The following CSNK1G2 variants were observed in gnomAD, a reference collection of about 807,000 sequenced individuals.
CSNK1G2 encodes casein kinase 1 gamma 2.
CSNK1G2 carries 11 observed loss-of-function variants against 48.0 expected under a neutral mutation model. The ratio of observed to expected loss-of-function variants is 0.23; its 90% CI spans 0.14 to 0.38. The LOEUF (loss-of-function observed/expected upper bound fraction) is 0.38. Ranked by LOEUF, CSNK1G2 falls within the 10% of genes least tolerant of loss-of-function variation. The probability of loss-of-function intolerance (pLI) is 1.00; values close to 1 mark genes in which losing one functional copy is unlikely to be tolerated. For synonymous variants in CSNK1G2, 337 were observed against 254.1 expected (o/e 1.33, Z -3.10); for missense variants, 446 against 595.5 (o/e 0.75, Z 2.61).
At chr19:1,948,699 A>G (rs902559150) in intron 1 of CSNK1G2, among the ~76,000 whole-genome samples, 6 of 152,124 alleles carry the variant, frequency 3.9e-5, no homozygotes, top group Non-Finnish European at 7.4e-5. Context: ...TGGTTTTTGT[A>G]CAGCTGACCC....
At position 1,979,030 on chromosome 19, in the gene CSNK1G2, C is replaced by T; in HGVS notation, c.619C>T (p.Arg207Cys). 5 of 1,598,184 alleles carry T rather than the reference C, an allele frequency of 3.1e-6. No homozygotes were observed. Among genetic ancestry groups the T allele is most frequent in the Non-Finnish European group, 4.2e-6 (5 of 1,179,406 alleles). ...CGAGACCAAGAAGCACATCCCGTAC[C>T]GCGAGCACAAGAGCCTGACGGGCAC... is the stretch of plus-strand genomic sequence containing the variant. ...DPETKKHIPYREHKSLTGTAR... is the reference protein window; with the variant it reads ...DPETKKHIPYCEHKSLTGTAR... The change falls in exon 6 of 12, where the codon CGC becomes TGC. Residue 207 changes from arginine to cysteine, a missense_variant. Transcript: ENST00000255641.
At chr19:1,966,255 T>C (rs1285062077) in intron 1 of CSNK1G2, among the ~76,000 whole-genome samples, 2 of 152,084 alleles carry the variant, frequency 1.3e-5, no homozygotes, top group Non-Finnish European at 2.9e-5. Context: ...GCGTGATCCA[T>C]GGGAGGAGGT....
At chr19:1,968,326 C>T (rs1426941158) in intron 1 of CSNK1G2, among the ~76,000 whole-genome samples, 5 of 150,340 alleles carry the variant, frequency 3.3e-5, no homozygotes, top group Non-Finnish European at 7.4e-5. Context: ...CCAGGCTGCC[C>T]CTGACCACCC....
At chr19:1,951,413 T>TA (rs374265531) in intron 1 of CSNK1G2, among the ~76,000 whole-genome samples, 2,928 of 142,226 alleles carry the variant, frequency 0.021, 471 homozygotes, top group African/African-American at 0.077. Context: ...AAAAAAAAAA[T>TA]AAAAAAAATC....
intron 2 of CSNK1G2, among the ~76,000 whole-genome samples, chr19:1,976,513 T>C (rs1275200150): frequency 6.6e-6 from 1 of 152,224 alleles, no homozygotes; most frequent in Non-Finnish European, 1.5e-5. Flanking sequence ...GCGATTCCTG[T>C]GCTGCAAGGC....
intron 1 of CSNK1G2, among the ~76,000 whole-genome samples, chr19:1,966,979 TC>T (rs1293783642): frequency 6.6e-6 from 1 of 152,062 alleles, no homozygotes; most frequent in Non-Finnish European, 1.5e-5. Flanking sequence ...CAAACGATCC[TC>T]CCGCCTCAGT....
At chr19:1,962,987 C>G (rs1482485796) in intron 1 of CSNK1G2, among the ~76,000 whole-genome samples, 28 of 152,102 alleles carry the variant, frequency 1.8e-4, no homozygotes, top group Admixed American at 1.5e-3. Flanking sequence ...CACAACCCAG[C>G]CATGAAAAGG....
rs137921162 is a variant in CSNK1G2 at position 1,979,396 on chromosome 19, C to T, written c.846C>T (p.Asn282=). The T allele has an allele frequency of 2.2e-4, 355 of 1,586,700 alleles. 4 individuals are homozygous for T. In the African/African-American group the frequency reaches 2.6e-3, roughly 12 times the overall value. The part of the protein sequence containing the change: ...RATPIEVLCE[N]FPEEMATYLR... ...CGCCCATCGAGGTGCTCTGCGAGAA[C>T]TTCCCAGGTAAGGGGTCCCTGCGCC... The change falls in exon 8 of 12, where the codon AAC becomes AAT. Residue 282 remains asparagine (N), a synonymous_variant. Coordinates refer to ENST00000255641, the MANE Select transcript of CSNK1G2 (RefSeq NM_001319.7).
intron 1 of CSNK1G2, among the ~76,000 whole-genome samples, chr19:1,967,464 C>G (rs1194479349): frequency 6.6e-6 from 1 of 152,126 alleles, no homozygotes; most frequent in African/African-American, 2.4e-5. Context: ...AGAATGGGGC[C>G]AGGGGTGGCT....
At position 1,978,234 on chromosome 19, in the gene CSNK1G2, G is replaced by C. The variant is rs1013489778; in HGVS notation, c.188-71G>C. On this transcript the variant is annotated intron_variant, in intron 2 of 11. Transcript: ENST00000255641. The surrounding 1 kb of genome is among the most constrained non-coding windows in gnomAD (Gnocchi z 7.3). Reference sequence around the variant, plus strand: ...GGGACCCCCTCCTGCCTCCTGCCTCGGGGGTGGGCTGGGGAGGTCGGGGCT... The same window carrying C: ...GGGACCCCCTCCTGCCTCCTGCCTCCGGGGTGGGCTGGGGAGGTCGGGGCT... 1.3e-6 allele frequency: 2 copies of C among 1,540,488 alleles called. No individual in the cohort carries two copies. The highest frequency in any genetic ancestry group is 3.3e-5 in the Admixed American group (2 of 59,798).
At chr19:1,964,732 T>TG (rs374324352) in intron 1 of CSNK1G2, among the ~76,000 whole-genome samples, 15 of 116,788 alleles carry the variant, frequency 1.3e-4, no homozygotes, top group African/African-American at 3.9e-4. Context: ...TTTGTTTTTT[T>TG]GTTTTTTTTT....
chr19:1,953,363 G>C (rs551725603), intron 1 of CSNK1G2: 1 of 533,370 alleles, frequency 1.9e-6, no homozygotes, highest in East Asian at 5.4e-5. Flanking sequence ...GCGCCATGGG[G>C]GCCTGGGTGG....
intron 2 of CSNK1G2, chr19:1,975,746 C>CAAACCT (rs2015730662): frequency 1.0e-6 from 1 of 985,126 alleles, no homozygotes; most frequent in Non-Finnish European, 1.2e-6. Flanking sequence ...TCTAAAACTT[C>CAAACCT]GAAATCTGAC....
At chr19:1,967,725 GCTCCTCCTTCCTCC>G (rs1181273128) in intron 1 of CSNK1G2, among the ~76,000 whole-genome samples, 19 of 97,336 alleles carry the variant, frequency 2.0e-4, no homozygotes, top group East Asian at 1.3e-3. Flanking sequence ...TGCAGGTGGG[GCTCCTCCTTCCTCC>G]CTCCTCCCCA....
In CSNK1G2 at chr19:1,980,243, C is replaced by T; in HGVS notation, c.*40C>T. On this transcript the variant is annotated 3_prime_UTR_variant, in exon 12 of 12. Transcript: ENST00000255641. Reference sequence around the variant, plus strand: ...AGCCCCCTGAATCTTCTCCGTGCAGCCCCTTGGGGCGCGACCTTGTGCGAG... The same window carrying T: ...AGCCCCCTGAATCTTCTCCGTGCAGTCCCTTGGGGCGCGACCTTGTGCGAG... 2 of 1,610,472 alleles carry T rather than the reference C, an allele frequency of 1.2e-6. No homozygotes were observed. Among genetic ancestry groups the T allele is most frequent in the South Asian group, 2.2e-5 (2 of 90,984 alleles).
chr19:1,953,073 A>G (rs1339769040), intron 1 of CSNK1G2: 1 of 397,556 alleles, frequency 2.5e-6, no homozygotes, highest in African/African-American at 2.2e-5. Context: ...ACGGCCGTTC[A>G]TGGTTACGCT....
At position 1,969,719 on chromosome 19, in the gene CSNK1G2, T is replaced by G; in HGVS notation, c.-54T>G. 4.0e-6 allele frequency: 5 copies of G among 1,241,564 alleles called. No individual in the cohort carries two copies. The highest frequency in any genetic ancestry group is 5.1e-6 in the Non-Finnish European group (5 of 980,398). 76.9% of individuals were successfully genotyped at this position (1,241,564 alleles called of 1,614,324 possible). ...CCAAGACCTCAGGTTTCCAGAGACT[T>G]GGGATTTGCACGGCAGCAGAGTCAC... is the stretch of plus-strand genomic sequence containing the variant. On this transcript the variant is annotated 5_prime_UTR_variant, in exon 2 of 12. Coordinates refer to ENST00000255641, the MANE Select transcript of CSNK1G2 (RefSeq NM_001319.7).
At chr19:1,947,967 C>CGTT (rs3052993) in intron 1 of CSNK1G2, among the ~76,000 whole-genome samples, 142,806 of 152,088 alleles carry the variant, frequency 0.94, 67,165 homozygotes, top group East Asian at 1. Flanking sequence ...AGCTCGTCCT[C>CGTT]GTGCCCGGGC....
At chr19:1,976,216 C>T (rs561472599) in intron 2 of CSNK1G2, 11 of 760,104 alleles carry the variant, frequency 1.4e-5, no homozygotes, top group East Asian at 1.3e-4. Flanking sequence ...CTGGGGAGAA[C>T]GTAGGAGGGG....
Sources: gnomAD v4.1 joint callset for allele counts (sites outside exome capture counted in the v4.1 genomes callset) on GRCh38, gnomAD v4.1.1 for gene constraint, Gnocchi (gnomAD v3.1) non-coding constraint, MANE v1.5 for transcripts, NCBI Gene and HGNC (gene_info 2026-07-23, HGNC 2026-07-21) for gene names.